Variants in DNAJC11 observed in about 807,000 individuals in gnomAD.
The protein encoded by DNAJC11 is dnaJ homolog subfamily C member 11.
DNAJC11 carries 15 observed loss-of-function variants against 78.6 expected under a neutral mutation model. That is an observed-to-expected ratio of 0.19 (90% CI 0.13 to 0.29). The LOEUF (loss-of-function observed/expected upper bound fraction) is 0.29, where lower values mean the gene tolerates loss of function less well. Among genes scored for constraint, DNAJC11 ranks in the 10% least tolerant of loss-of-function variants. The probability of loss-of-function intolerance (pLI) is 1.00; values close to 1 mark genes in which losing one functional copy is unlikely to be tolerated. For missense variants in DNAJC11, 547 were observed against 709.6 expected, an observed-to-expected ratio of 0.77 and a Z score of 2.60; for synonymous variants, 292 against 272.1, an observed-to-expected ratio of 1.07 and a Z score of -0.72.
At chr1:6,652,975 T>C (rs768402104) in intron 5 of DNAJC11, 24 bp from the exon 6 acceptor site, 2 of 1,613,726 alleles carry the variant, frequency 1.2e-6, no homozygotes, top group South Asian at 1.1e-5. Flanking sequence ...TTGCTGGTAA[T>C]GAATGAATCA....
intron 1 of DNAJC11, among the ~76,000 whole-genome samples, chr1:6,687,083 C>G (rs1323446202): frequency 1.3e-5 from 2 of 152,204 alleles, no homozygotes; most frequent in Non-Finnish European, 2.9e-5. Flanking sequence ...TGCTTACGCA[C>G]TTTAAAAGAA....
chr1:6,651,440 G>T, intron 7 of DNAJC11, 89 bp downstream of exon 7: 1 of 1,170,354 alleles, frequency 8.5e-7, no homozygotes, highest in Non-Finnish European at 1.3e-6. Flanking sequence ...ACAAGATAGT[G>T]CCAACCACTG....
intron 4 of DNAJC11, among the ~76,000 whole-genome samples, chr1:6,654,778 TTTC>T (rs1642102755): frequency 7.6e-6 from 1 of 131,704 alleles, no homozygotes; most frequent in Non-Finnish European, 1.6e-5. Context: ...TTTGCTAGCT[TTTC>T]TTTTTTTTTT....
At chr1:6,674,171 A>G (rs1404404508) in intron 3 of DNAJC11, among the ~76,000 whole-genome samples, 1 of 152,158 alleles carries the variant, frequency 6.6e-6, no homozygotes, top group Non-Finnish European at 1.5e-5. Flanking sequence ...CAACCTCAAG[A>G]AGTAAACAGT....
At chr1:6,642,945 TGA>T (rs1475402987) in intron 10 of DNAJC11, among the ~76,000 whole-genome samples, 1 of 150,826 alleles carries the variant, frequency 6.6e-6, no homozygotes, top group Non-Finnish European at 1.5e-5. Context: ...TGCTTGGGAG[TGA>T]GTCGAGAGAG....
At chr1:6,649,287 A>C (rs1642017016) in intron 7 of DNAJC11, among the ~76,000 whole-genome samples, 1 of 151,742 alleles carries the variant, frequency 6.6e-6, no homozygotes, top group South Asian at 2.1e-4. Context: ...CTCCTGCCTC[A>C]GCCTCCCGAG....
chr1:6,653,983 C>G lies in DNAJC11; in HGVS notation c.435G>C (p.Glu145Asp), dbSNP rs745950177. ...ATDLFDRYDE[E>D]YEDVSGSSFP... ...AGCTACTGCCGGACACATCTTCATA[C>G]TCCTCATCATAGCGATCAAAAAGGT... is the stretch of plus-strand genomic sequence containing the variant. Residue 145 changes from glutamate to aspartate, a missense_variant, in exon 5 of 16, where the codon GAG (glutamate) becomes GAC (aspartate). Glu to Asp is a conservative substitution (Grantham distance 45). Coordinates refer to ENST00000377577, the MANE Select transcript of DNAJC11 (RefSeq NM_018198.4). This position sits in a 1 kb window ranked among gnomAD's most constrained non-coding sequence, Gnocchi z 4.5. 6.2e-7 allele frequency: 1 copy of G among 1,613,686 alleles called. No individual in the cohort carries two copies. The highest frequency in any genetic ancestry group is 1.1e-5 in the South Asian group (1 of 91,070).
intron 4 of DNAJC11, among the ~76,000 whole-genome samples, chr1:6,664,045 T>C (rs2235563): frequency 0.37 from 55,428 of 151,848 alleles, 10,504 homozygotes; most frequent in African/African-American, 0.43. Flanking sequence ...TGCATGCACG[T>C]GTTTCATCAG....
chr1:6,651,104 C>T (rs959833590), intron 7 of DNAJC11: 2 of 535,260 alleles, frequency 3.7e-6, no homozygotes, highest in African/African-American at 3.8e-5. Context: ...GCAGAGACGA[C>T]AGGAAGCAGA....
intron 10 of DNAJC11, among the ~76,000 whole-genome samples, chr1:6,641,493 A>G (rs1319971925): frequency 1.3e-5 from 2 of 151,762 alleles, no homozygotes; most frequent in Non-Finnish European, 1.5e-5. Flanking sequence ...TAAGAAGACT[A>G]AAAAAGCTAT....
intron 10 of DNAJC11, among the ~76,000 whole-genome samples, chr1:6,641,662 G>A (rs1641880372): frequency 1.3e-5 from 2 of 151,816 alleles, no homozygotes; most frequent in South Asian, 4.2e-4. Context: ...CTCCCAAAGT[G>A]TGCGCGCCAC....
intron 1 of DNAJC11, among the ~76,000 whole-genome samples, chr1:6,700,016 C>A (rs1188477722): frequency 6.6e-6 from 1 of 152,122 alleles, no homozygotes; most frequent in Non-Finnish European, 1.5e-5. Context: ...AACTGAAGAT[C>A]CACAAAAGAA....
chr1:6,644,695 C>A (rs751117036), intron 9 of DNAJC11, 21 bp from the exon 10 acceptor site: 1 of 1,592,620 alleles, frequency 6.3e-7, no homozygotes. Flanking sequence ...AGAACGCGGT[C>A]TGTGCCTGTG....
intron 4 of DNAJC11, among the ~76,000 whole-genome samples, chr1:6,665,178 C>G (rs1167045737): frequency 6.6e-6 from 1 of 152,198 alleles, no homozygotes; most frequent in African/African-American, 2.4e-5. Context: ...GGCAACCCTC[C>G]TTCGTCTGCC....
chr1:6,690,910 A>AT (rs1305242104), intron 1 of DNAJC11, among the ~76,000 whole-genome samples: 35 of 152,328 alleles, frequency 2.3e-4, no homozygotes, highest in African/African-American at 8.2e-4. Flanking sequence ...ACCTACACTG[A>AT]TTTTGGAAGT....
intron 1 of DNAJC11, among the ~76,000 whole-genome samples, chr1:6,688,351 T>C (rs556846657): frequency 6.6e-5 from 10 of 152,324 alleles, no homozygotes; most frequent in South Asian, 2.1e-4. Flanking sequence ...TAGAATTTGA[T>C]TGCTAAAATT....
At position 6,638,403 on chromosome 1, in the gene DNAJC11, G is replaced by A. The variant is rs371867795; in HGVS notation, c.1254-39C>T. 45 of 1,591,374 alleles carry A rather than the reference G, an allele frequency of 2.8e-5. No homozygotes were observed. The Middle Eastern group carries it at 7.5e-4, about 26-fold the overall frequency. The stretch of plus-strand genomic sequence containing the variant: ...AACACAAGCCCCACGTTAGCGCGGC[G>A]CTGCCCAGCTTCCAGCCAACACAGC... On this transcript the variant is annotated intron_variant, in intron 11 of 15. Transcript: ENST00000377577.
At chr1:6,675,475 G>C (rs1378475050) in intron 3 of DNAJC11, among the ~76,000 whole-genome samples, 2 of 151,994 alleles carry the variant, frequency 1.3e-5, no homozygotes, top group African/African-American at 4.8e-5. Context: ...GAGTGCAGTG[G>C]TGTGATCATG....
chr1:6,690,739 A>G (rs537579052), intron 1 of DNAJC11, among the ~76,000 whole-genome samples: 2 of 152,160 alleles, frequency 1.3e-5, no homozygotes, highest in South Asian at 2.1e-4. Context: ...CCTGGCTAAC[A>G]GAGTGAAACC....
Sources: allele counts gnomAD v4.1 joint callset (sites outside exome capture counted in the v4.1 genomes callset), GRCh38; gene constraint gnomAD v4.1.1; non-coding constraint Gnocchi (gnomAD v3.1); transcripts MANE v1.5; gene names NCBI Gene and HGNC (gene_info 2026-07-23, HGNC 2026-07-21).